Variants in ITPR1 observed in about 807,000 individuals in gnomAD.
ITPR1 encodes the protein inositol 1,4,5-trisphosphate receptor type 1, also known as inositol 1,4,5-trisphosphate-gated calcium channel ITPR1.
In ITPR1, 96 loss-of-function variants were observed where a neutral mutation model predicts 318.4. The observed-to-expected ratio is 0.30, with a 90% CI of 0.26 to 0.36. The LOEUF (loss-of-function observed/expected upper bound fraction) is 0.36, where lower values mean the gene tolerates loss of function less well. Ranked by LOEUF, ITPR1 falls within the 10% of genes least tolerant of loss-of-function variation. The pLI is 1.00. For synonymous variants in ITPR1, 1,312 were observed against 1,289.9 expected (o/e 1.02, Z -0.37); for missense variants, 2,440 against 3,460.2 (o/e 0.71, Z 7.40).
At chr3:4,776,249 T>A (rs762124560) in intron 47 of ITPR1, among the ~76,000 whole-genome samples, 1 of 152,202 alleles carries the variant, frequency 6.6e-6, no homozygotes, top group Non-Finnish European at 1.5e-5. Flanking sequence ...TTTGTATTTT[T>A]TTAGTAGAGA....
intron 4 of ITPR1, among the ~76,000 whole-genome samples, chr3:4,602,528 G>GA (rs59656214): frequency 1.6e-4 from 17 of 106,808 alleles, no homozygotes; most frequent in East Asian, 4.8e-4. Context: ...GACCCTCTCA[G>GA]AAAAAAAAAA....
rs750837180 is a variant in ITPR1, at chr3:4,691,315, A to T, written c.4000A>T (p.Lys1334Ter). ...TIVKAEGKFI[K>*]KCQDMVMAEL... ...TGTCAAGGCAGAAGGGAAATTTATTAAAAAATGCCAAGACATGGTTATGGC... is the reference window on the plus strand; with the variant it reads ...TGTCAAGGCAGAAGGGAAATTTATTTAAAAATGCCAAGACATGGTTATGGC... The change falls in exon 32 of 62, where the codon AAA becomes TAA. Residue 1334 changes from lysine to a stop codon, truncating the protein, a stop_gained. Transcript: ENST00000649015. LOFTEE classifies it high-confidence loss of function. The T allele has an allele frequency of 6.2e-7, 1 of 1,612,180 alleles. No homozygotes were observed. The highest frequency in any genetic ancestry group is 8.5e-7 in the Non-Finnish European group (1 of 1,178,400).
chr3:4,597,533 C>A (rs2090938102), intron 4 of ITPR1, among the ~76,000 whole-genome samples: 1 of 151,982 alleles, frequency 6.6e-6, no homozygotes, highest in Non-Finnish European at 1.5e-5. Flanking sequence ...TTGGAATTTC[C>A]CAAGTTGGAG....
At chr3:4,679,401 C>T (rs1193419091) in intron 24 of ITPR1, among the ~76,000 whole-genome samples, 1 of 152,216 alleles carries the variant, frequency 6.6e-6, no homozygotes, top group Non-Finnish European at 1.5e-5. Context: ...GTGATTCAGC[C>T]TGAGTCCCAA....
chr3:4,657,317 A>G (rs566763084), intron 12 of ITPR1, among the ~76,000 whole-genome samples: 1 of 151,534 alleles, frequency 6.6e-6, no homozygotes, highest in South Asian at 2.1e-4. Context: ...GCTGCCCACA[A>G]CCAAATCTGC....
chr3:4,734,912 T>A (rs1032558588), intron 43 of ITPR1, among the ~76,000 whole-genome samples: 4 of 152,250 alleles, frequency 2.6e-5, no homozygotes, highest in Non-Finnish European at 5.9e-5. Flanking sequence ...GCTGGAAATG[T>A]ATCATTCTTT....
intron 15 of ITPR1, among the ~76,000 whole-genome samples, chr3:4,662,450 T>A (rs956485640): frequency 6.6e-6 from 1 of 152,174 alleles, no homozygotes; most frequent in Non-Finnish European, 1.5e-5. Context: ...AGATCAGGTG[T>A]AGTGGCTCAC....
chr3:4,553,197 C>T (rs1393636132), intron 4 of ITPR1, among the ~76,000 whole-genome samples: 2 of 151,976 alleles, frequency 1.3e-5, no homozygotes, highest in Non-Finnish European at 2.9e-5. Context: ...CATATTAAGC[C>T]GGGCAACAAA....
intron 4 of ITPR1, among the ~76,000 whole-genome samples, chr3:4,561,994 G>A (rs1391574249): frequency 6.6e-6 from 1 of 152,176 alleles, no homozygotes; most frequent in Non-Finnish European, 1.5e-5. Context: ...CTGTAAAACA[G>A]GGGTGTCCAA....
chr3:4,627,856 C>A lies in ITPR1; in HGVS notation c.257C>A (p.Ala86Glu). Residue 86 changes from alanine to glutamate, a missense_variant, in exon 5 of 62, where the codon GCA (alanine) becomes GAA (glutamate). By Grantham distance (107) the Ala-to-Glu change is moderately radical. This residue lies in a region of ITPR1 where 186 missense variants were observed against 323.9 expected (regional missense o/e 0.57). Coordinates refer to ENST00000649015, the MANE Select transcript of ITPR1 (RefSeq NM_001378452.1). Reference protein sequence around the residue: ...AKPGANSTTDAVLLNKLHHAA... With the variant: ...AKPGANSTTDEVLLNKLHHAA... ...CCTGGGGCCAACAGCACCACAGACGCAGTGCTACTCAACAAACTGCACGTA... is the reference window on the plus strand; with the variant it reads ...CCTGGGGCCAACAGCACCACAGACGAAGTGCTACTCAACAAACTGCACGTA... 6.2e-7 allele frequency: 1 copy of A among 1,612,528 alleles called. No individual in the cohort carries two copies. Among genetic ancestry groups the A allele is most frequent in the Non-Finnish European group, 8.5e-7 (1 of 1,178,948 alleles).
At chr3:4,706,133 T>C (rs773677282) in intron 36 of ITPR1, 34 bp from the exon 37 acceptor site, 7 of 1,613,018 alleles carry the variant, frequency 4.3e-6, no homozygotes, top group South Asian at 1.1e-5. Flanking sequence ...CCCATAAAAG[T>C]TGTAGGCTCA....
intron 5 of ITPR1, among the ~76,000 whole-genome samples, chr3:4,637,931 A>G (rs2093238710): frequency 6.6e-6 from 1 of 152,186 alleles, no homozygotes; most frequent in Non-Finnish European, 1.5e-5. Context: ...TATAATAATA[A>G]TGGTTAAAAT....
intron 20 of ITPR1, 70 bp from the exon 21 acceptor site, chr3:4,673,066 C>G (rs1448334107): frequency 1.3e-6 from 2 of 1,533,578 alleles, no homozygotes; most frequent in African/African-American, 1.4e-5. Context: ...TCAGGGCTGC[C>G]CAGACGACCC....
chr3:4,839,271 G>C (rs563512508), intron 61 of ITPR1, among the ~76,000 whole-genome samples: 128 of 152,074 alleles, frequency 8.4e-4, no homozygotes, highest in African/African-American at 2.9e-3. Flanking sequence ...AGGTTGTGGT[G>C]AGCCGAGATC....
intron 5 of ITPR1, among the ~76,000 whole-genome samples, chr3:4,635,339 A>G (rs577466615): frequency 2.6e-5 from 4 of 151,900 alleles, no homozygotes; most frequent in Non-Finnish European, 5.9e-5. Flanking sequence ...CTAATTCAAT[A>G]TCTTTCTTTT....
chr3:4,814,084 C>CT (rs2049118780), intron 57 of ITPR1, among the ~76,000 whole-genome samples: 1 of 152,174 alleles, frequency 6.6e-6, no homozygotes, highest in African/African-American at 2.4e-5. Flanking sequence ...GACAAGAGGC[C>CT]TGTGACTCAG....
At chr3:4,790,989 G>C (rs1363596967) in intron 52 of ITPR1, among the ~76,000 whole-genome samples, 1 of 152,164 alleles carries the variant, frequency 6.6e-6, no homozygotes, top group African/African-American at 2.4e-5. Flanking sequence ...AAAGAAAGAG[G>C]AAATCGAGGC....
intron 44 of ITPR1, among the ~76,000 whole-genome samples, chr3:4,760,909 C>T (rs769023768): frequency 3.3e-5 from 5 of 152,206 alleles, no homozygotes; most frequent in Non-Finnish European, 7.3e-5. Flanking sequence ...AGCTTTTGTT[C>T]CATCTGCACC....
At chr3:4,594,838 G>A (rs745782100) in intron 4 of ITPR1, among the ~76,000 whole-genome samples, 1 of 152,192 alleles carries the variant, frequency 6.6e-6, no homozygotes, top group Non-Finnish European at 1.5e-5. Flanking sequence ...AGGAAGAAAG[G>A]TGGAATGAGT....
Sources: gnomAD v4.1 joint callset for allele counts (sites outside exome capture counted in the v4.1 genomes callset) on GRCh38, gnomAD v4.1.1 for gene constraint, gnomAD v4.1.1 regional missense constraint, MANE v1.5 for transcripts, NCBI Gene and HGNC (gene_info 2026-07-23, HGNC 2026-07-21) for gene names.